RYR2: variants seen among roughly 807,000 people sequenced by gnomAD.
RYR2 encodes ryanodine receptor 2, also known as cardiac muscle ryanodine receptor-calcium release channel.
A neutral mutation model predicts 601.1 loss-of-function variants in RYR2; 227 were observed. The observed-to-expected ratio is 0.38, with a 90% confidence interval of 0.34 to 0.42. The LOEUF is 0.42. Among genes scored for constraint, RYR2 ranks in the 10% least tolerant of loss-of-function variants. The pLI is 1.00. For synonymous variants in RYR2, 2,223 were observed against 2,175.1 expected (o/e 1.02, Z -0.61); for missense variants, 4,646 against 6,156.5 (o/e 0.75, Z 8.21).
rs188575450 is a variant in RYR2 at position 237,170,483 on chromosome 1, C to T, written c.49-100014C>T. ...CGTCTCTGCCAGGTGGTCTGGGTAA[C>T]GGCAGGTGCTAACAGAAGACTGGCT... On this transcript the variant is annotated intron_variant, in intron 1 of 104. Transcript: ENST00000366574. 2.9e-3 allele frequency among the ~76,000 whole-genome samples: 445 copies of T among 152,278 alleles called. 1 individual carries two copies. Among genetic ancestry groups the T allele is most frequent in the Non-Finnish European group, 5.1e-3 (347 of 68,018 alleles).
intron 73 of RYR2, among the ~76,000 whole-genome samples, chr1:237,722,713 G>T (rs556414254): frequency 1.2e-4 from 18 of 152,276 alleles, no homozygotes; most frequent in Non-Finnish European, 2.6e-4. Flanking sequence ...GATTACAGGC[G>T]TGAGCCACCG....
chr1:237,663,540 A>G (rs1684004135), intron 56 of RYR2, among the ~76,000 whole-genome samples: 1 of 152,228 alleles, frequency 6.6e-6, no homozygotes, highest in Non-Finnish European at 1.5e-5. Flanking sequence ...GGTCTCACCC[A>G]TGAGTACCTA....
intron 59 of RYR2, 97 bp from the exon 60 acceptor site, chr1:237,674,634 T>G (rs561170005): frequency 1.2e-5 from 7 of 585,406 alleles, no homozygotes; most frequent in Admixed American, 2.9e-5. Context: ...TAAACATATA[T>G]GTATGTATAT....
At chr1:237,311,467 A>C (rs1694559899) in intron 2 of RYR2, among the ~76,000 whole-genome samples, 1 of 151,056 alleles carries the variant, frequency 6.6e-6, no homozygotes, top group African/African-American at 2.5e-5. Flanking sequence ...ACATGCAATG[A>C]CCTGAGAAAA....
At chr1:237,440,508 A>G (rs1707809603) in intron 12 of RYR2, among the ~76,000 whole-genome samples, 1 of 152,158 alleles carries the variant, frequency 6.6e-6, no homozygotes, top group Non-Finnish European at 1.5e-5. Flanking sequence ...GAAAAATGGA[A>G]AGAGTATGTT....
chr1:237,624,893 A>G (rs1238235637), intron 39 of RYR2, among the ~76,000 whole-genome samples: 2 of 152,124 alleles, frequency 1.3e-5, no homozygotes, highest in South Asian at 2.1e-4. Flanking sequence ...GATAATAAAA[A>G]CACCACTTTG....
At chr1:237,108,712 G>A (rs1265198998) in intron 1 of RYR2, among the ~76,000 whole-genome samples, 1 of 152,168 alleles carries the variant, frequency 6.6e-6, no homozygotes. Context: ...TCAGGAATGG[G>A]AAAAAGCATC....
At chr1:237,097,005 C>T (rs1667570109) in intron 1 of RYR2, among the ~76,000 whole-genome samples, 1 of 152,170 alleles carries the variant, frequency 6.6e-6, no homozygotes, top group African/African-American at 2.4e-5. Context: ...CTATTTTAGT[C>T]TTGCCTGTTT....
intron 3 of RYR2, among the ~76,000 whole-genome samples, chr1:237,353,470 C>G (rs1032132322): frequency 6.9e-6 from 1 of 144,336 alleles, no homozygotes; most frequent in Non-Finnish European, 1.5e-5. Flanking sequence ...GATTTCACCA[C>G]TGCATTCCAG....
chr1:237,287,385 T>A (rs890382659), intron 2 of RYR2, among the ~76,000 whole-genome samples: 3 of 152,346 alleles, frequency 2.0e-5, no homozygotes, highest in Admixed American at 2.0e-4. Flanking sequence ...TTTTCCTCAA[T>A]TATTCCCCAA....
At chr1:237,759,928 G>A (rs1385472269) in intron 83 of RYR2, 76 bp downstream of exon 83, 2 of 873,758 alleles carry the variant, frequency 2.3e-6, no homozygotes, top group Non-Finnish European at 1.9e-6. Flanking sequence ...TTACTCTGAC[G>A]ATAATTGCAC....
rs1466105212 is a variant in RYR2 at position 237,801,838 on chromosome 1, T to A, written c.14091-18T>A. ...GTTAATGTGCATAACTACGCATTTTTTTTTTTTGTCATTGCAGACTGAACT... is the reference window on the plus strand; with the variant it reads ...GTTAATGTGCATAACTACGCATTTTATTTTTTTGTCATTGCAGACTGAACT... On this transcript the variant is annotated intron_variant, in intron 97 of 104. Transcript: ENST00000366574. 4 of 1,568,344 alleles carry A rather than the reference T, an allele frequency of 2.6e-6. No homozygotes were observed. The East Asian group carries it at 9.0e-5, about 35-fold the overall frequency.
At chr1:237,775,394 G>A (rs970929398) in intron 87 of RYR2, among the ~76,000 whole-genome samples, 2 of 151,990 alleles carry the variant, frequency 1.3e-5, no homozygotes, top group African/African-American at 4.8e-5. Flanking sequence ...AAAATTCTGG[G>A]ATACAATCCA....
chr1:237,445,070 G>A (rs1350917744), intron 13 of RYR2, among the ~76,000 whole-genome samples: 1 of 152,118 alleles, frequency 6.6e-6, no homozygotes, highest in African/African-American at 2.4e-5. Context: ...TAACTGAGAT[G>A]GGCAAGGTGA....
intron 92 of RYR2, among the ~76,000 whole-genome samples, chr1:237,791,169 G>T (rs183952945): frequency 6.6e-6 from 1 of 152,122 alleles, no homozygotes; most frequent in Non-Finnish European, 1.5e-5. Context: ...CTCCTAACCC[G>T]ATGTAGTTTT....
intron 1 of RYR2, among the ~76,000 whole-genome samples, chr1:237,123,760 C>T (rs955798722): frequency 1.8e-4 from 27 of 148,134 alleles, no homozygotes; most frequent in African/African-American, 4.7e-4. Flanking sequence ...CTCCGCTTCC[C>T]GGGTTCACGC....
Position 237,773,664 on chromosome 1 carries a change from T to C in RYR2, c.11775+16T>C. 1 of 1,608,496 alleles carries C rather than the reference T, an allele frequency of 6.2e-7. No homozygotes were observed. Among genetic ancestry groups the C allele is most frequent in the Non-Finnish European group, 8.5e-7 (1 of 1,176,394 alleles). ...GTATATTCAGGTAAACATTTAAACA[T>C]GGCTGCTATCTGTAGCACTGAACTC... On this transcript the variant is annotated intron_variant, in intron 87 of 104. Transcript: ENST00000366574.
At chr1:237,348,561 A>G (rs1558662493) in intron 3 of RYR2, among the ~76,000 whole-genome samples, 2 of 152,192 alleles carry the variant, frequency 1.3e-5, no homozygotes, top group Non-Finnish European at 2.9e-5. Context: ...CCTGCCTTCA[A>G]TCTACTCAGC....
intron 16 of RYR2, among the ~76,000 whole-genome samples, chr1:237,460,044 A>G (rs1036435998): frequency 6.6e-6 from 1 of 152,142 alleles, no homozygotes; most frequent in Admixed American, 6.6e-5. Flanking sequence ...TGGGTTTGAC[A>G]CAATGGCTCC....
Sources: gnomAD v4.1 joint callset for allele counts (sites outside exome capture counted in the v4.1 genomes callset) on GRCh38, gnomAD v4.1.1 for gene constraint, MANE v1.5 for transcripts, NCBI Gene and HGNC (gene_info 2026-07-23, HGNC 2026-07-21) for gene names.